Variants in ITPR2 observed in about 807,000 individuals in gnomAD.
The protein encoded by ITPR2 is inositol 1,4,5-trisphosphate receptor type 2.
A neutral mutation model predicts 317.1 loss-of-function variants in ITPR2; 207 were observed. The ratio of observed to expected loss-of-function variants is 0.65; its 90% CI spans 0.58 to 0.73. ITPR2 has a LOEUF of 0.73. Ranked by LOEUF, ITPR2 falls within the 30% of genes least tolerant of loss-of-function variation. The probability of loss-of-function intolerance (pLI) is 0.00; values close to 1 mark genes in which losing one functional copy is unlikely to be tolerated. For synonymous variants in ITPR2, 1,156 were observed against 1,149.1 expected, an observed-to-expected ratio of 1.01 and a Z score of -0.12; for missense variants, 2,613 against 3,284.0, an observed-to-expected ratio of 0.80 and a Z score of 4.99.
At chr12:26,536,873 T>C (rs1944108678) in intron 37 of ITPR2, among the ~76,000 whole-genome samples, 1 of 152,216 alleles carries the variant, frequency 6.6e-6, no homozygotes, top group Non-Finnish European at 1.5e-5. Context: ...TGGAGGGTCT[T>C]AACTTCAAAG....
At chr12:26,562,223 A>G (rs1359397752) in intron 34 of ITPR2, among the ~76,000 whole-genome samples, 1 of 152,206 alleles carries the variant, frequency 6.6e-6, no homozygotes, top group Non-Finnish European at 1.5e-5. Flanking sequence ...CAATACAGAA[A>G]CACACTGTAT....
chr12:26,446,939 G>A (rs1941622558), intron 45 of ITPR2, among the ~76,000 whole-genome samples: 1 of 151,808 alleles, frequency 6.6e-6, no homozygotes, highest in Admixed American at 6.6e-5. Context: ...TGTAATAGAG[G>A]GTCTTGACTC....
chr12:26,588,889 T>C (rs1945610218), intron 32 of ITPR2, among the ~76,000 whole-genome samples: 1 of 152,216 alleles, frequency 6.6e-6, no homozygotes, highest in African/African-American at 2.4e-5. Flanking sequence ...TTGGTCCTTA[T>C]AGGATCCTGA....
chr12:26,643,630 C>T (rs1212222034), intron 21 of ITPR2, among the ~76,000 whole-genome samples: 1 of 152,114 alleles, frequency 6.6e-6, no homozygotes, highest in African/African-American at 2.4e-5. Context: ...AAATGAGGAA[C>T]ATCTTACTGG....
intron 9 of ITPR2, among the ~76,000 whole-genome samples, chr12:26,703,131 T>C (rs1183276626): frequency 6.6e-6 from 1 of 152,230 alleles, no homozygotes; most frequent in Non-Finnish European, 1.5e-5. Context: ...AAGTAAATTT[T>C]AGATCTTCTT....
rs1377737081 is a variant in ITPR2 at position 26,490,393 on chromosome 12, C to T, written c.5371-3142G>A. On this transcript the variant is annotated intron_variant, in intron 39 of 56. Transcript: ENST00000381340. ...ATTCACAGAACCATTCACTTCTGCACATTGACTGAACCCCAAGATTGGTCC... is the reference window on the plus strand; with the variant it reads ...ATTCACAGAACCATTCACTTCTGCATATTGACTGAACCCCAAGATTGGTCC... 5.3e-5 allele frequency among the ~76,000 whole-genome samples: 8 copies of T among 152,344 alleles called. No individual in the cohort carries two copies. The South Asian group carries it at 1.2e-3, about 24-fold the overall frequency.
At position 26,788,084 on chromosome 12, in the gene ITPR2, G is replaced by A. The variant is rs570721198; in HGVS notation, c.163+2073C>T. Among the ~76,000 whole-genome samples the A allele has an allele frequency of 2.6e-5, 4 of 152,022 alleles. No homozygotes were observed. The South Asian group carries it at 6.2e-4, about 24-fold the overall frequency. On this transcript the variant is annotated intron_variant, in intron 2 of 56. Transcript: ENST00000381340. ...ATTACAGGCATGAGCCACCATGCCCGGCTAATTTTGCATTTTTAGTAGAGA... is the reference window on the plus strand; with the variant it reads ...ATTACAGGCATGAGCCACCATGCCCAGCTAATTTTGCATTTTTAGTAGAGA...
chr12:26,830,413 G>T (rs572276214), intron 1 of ITPR2, among the ~76,000 whole-genome samples: 2 of 152,202 alleles, frequency 1.3e-5, no homozygotes, highest in Non-Finnish European at 2.9e-5. Flanking sequence ...TACATTAAAG[G>T]TTAGTCTAGC....
intron 55 of ITPR2, among the ~76,000 whole-genome samples, chr12:26,347,272 T>C (rs1007357808): frequency 1.3e-5 from 2 of 152,240 alleles, no homozygotes; most frequent in East Asian, 3.8e-4. Context: ...TGGCTTATGT[T>C]AGGCGAACAT....
intron 12 of ITPR2, 102 bp from the exon 13 acceptor site, chr12:26,682,136 G>T: frequency 1.0e-6 from 1 of 962,250 alleles, no homozygotes; most frequent in Non-Finnish European, 1.6e-6. Flanking sequence ...GACAAGAATA[G>T]ATCATCCGAA....
At chr12:26,814,727 A>C (rs986107813) in intron 1 of ITPR2, among the ~76,000 whole-genome samples, 2 of 152,246 alleles carry the variant, frequency 1.3e-5, no homozygotes, top group Non-Finnish European at 2.9e-5. Context: ...GTATATACTA[A>C]GTTTCCAATA....
chr12:26,541,202 A>G (rs1944250668), intron 37 of ITPR2, among the ~76,000 whole-genome samples: 1 of 151,324 alleles, frequency 6.6e-6, no homozygotes, highest in Non-Finnish European at 1.5e-5. Context: ...CTGTAATCCC[A>G]GCTACTCGGG....
intron 55 of ITPR2, among the ~76,000 whole-genome samples, chr12:26,364,856 T>C (rs748603757): frequency 6.6e-6 from 1 of 152,330 alleles, no homozygotes; most frequent in African/African-American, 2.4e-5. Context: ...GCCTCTAGGA[T>C]GAGTCTGTAA....
chr12:26,522,843 G>C (rs996035476), intron 37 of ITPR2, among the ~76,000 whole-genome samples: 4 of 151,796 alleles, frequency 2.6e-5, no homozygotes, highest in South Asian at 4.1e-4. Context: ...TTCCACGGCG[G>C]GGGGGGAACC....
intron 49 of ITPR2, among the ~76,000 whole-genome samples, chr12:26,426,933 T>C (rs1457700886): frequency 6.6e-6 from 1 of 151,684 alleles, no homozygotes; most frequent in Non-Finnish European, 1.5e-5. Context: ...ATTTGCTATA[T>C]ATTTTATGTG....
intron 34 of ITPR2, among the ~76,000 whole-genome samples, chr12:26,562,660 A>C (rs1238837756): frequency 6.6e-6 from 1 of 152,142 alleles, no homozygotes; most frequent in African/African-American, 2.4e-5. Flanking sequence ...GCAGTCAACC[A>C]AAACAAAGTG....
intron 32 of ITPR2, among the ~76,000 whole-genome samples, chr12:26,592,023 T>C (rs1423240728): frequency 6.6e-6 from 1 of 151,912 alleles, no homozygotes; most frequent in African/African-American, 2.4e-5. Flanking sequence ...GATGAATGGA[T>C]AAAGAAAATG....
intron 52 of ITPR2, among the ~76,000 whole-genome samples, chr12:26,405,296 C>T (rs1004759857): frequency 2.6e-5 from 4 of 152,196 alleles, no homozygotes; most frequent in East Asian, 1.9e-4. Flanking sequence ...CAGTGCTTGG[C>T]GTATAGTTAG....
intron 52 of ITPR2, among the ~76,000 whole-genome samples, chr12:26,408,819 A>C (rs1260751693): frequency 6.6e-6 from 1 of 152,246 alleles, no homozygotes; most frequent in Non-Finnish European, 1.5e-5. Flanking sequence ...AGACCAATGC[A>C]AGCATAGGGC....
Sources: allele counts gnomAD v4.1 joint callset (sites outside exome capture counted in the v4.1 genomes callset), GRCh38; gene constraint gnomAD v4.1.1; transcripts MANE v1.5; gene names NCBI Gene and HGNC (gene_info 2026-07-23, HGNC 2026-07-21).